Variants in STK4 observed in about 807,000 individuals in gnomAD.
STK4 encodes serine/threonine kinase 4, also known as serine/threonine-protein kinase 4.
Under a neutral mutation model 64.9 loss-of-function variants are expected in STK4, and 30 were observed. The ratio of observed to expected loss-of-function variants is 0.46; its 90% confidence interval spans 0.35 to 0.63. The LOEUF (loss-of-function observed/expected upper bound fraction) is 0.63, where lower values mean the gene tolerates loss of function less well. Among genes scored for constraint, STK4 ranks in the 20% least tolerant of loss-of-function variants. The pLI is 0.01. For synonymous variants in STK4, 177 were observed against 199.0 expected (o/e 0.89, Z 0.93); for missense variants, 466 against 598.5 (o/e 0.78, Z 2.31).
intron 9 of STK4, among the ~76,000 whole-genome samples, chr20:45,020,090 T>G (rs6017466): frequency 0.019 from 2,940 of 152,268 alleles, 91 homozygotes; most frequent in African/African-American, 0.066. Context: ...ACCTGACATT[T>G]GGCATTCAAG....
At chr20:44,988,140 A>C (rs1056622627) in intron 5 of STK4, among the ~76,000 whole-genome samples, 4 of 152,164 alleles carry the variant, frequency 2.6e-5, no homozygotes, top group Admixed American at 6.6e-5. Context: ...AAAAGTAAAC[A>C]GTACCAGACA....
chr20:44,977,694 C>T (rs2145643296), intron 2 of STK4, among the ~76,000 whole-genome samples: 2 of 152,266 alleles, frequency 1.3e-5, no homozygotes, highest in South Asian at 2.1e-4. Context: ...TCTAGTGGAT[C>T]TGTAGCCTCC....
intron 9 of STK4, among the ~76,000 whole-genome samples, chr20:45,016,311 C>T (rs2068142097): frequency 1.3e-5 from 2 of 152,180 alleles, no homozygotes; most frequent in South Asian, 4.1e-4. Context: ...TATCTTAATA[C>T]AGTGGAATTT....
At chr20:44,979,205 T>G (rs1474870770) in intron 3 of STK4, among the ~76,000 whole-genome samples, 1 of 152,172 alleles carries the variant, frequency 6.6e-6, no homozygotes, top group African/African-American at 2.4e-5. Flanking sequence ...TTTTACTTCC[T>G]ATTGAGAAAA....
intron 9 of STK4, among the ~76,000 whole-genome samples, chr20:45,021,603 A>G (rs368527985): frequency 6.6e-6 from 1 of 152,226 alleles, no homozygotes; most frequent in African/African-American, 2.4e-5. Context: ...GTTCCATAAA[A>G]TATTTCATCT....
intron 9 of STK4, among the ~76,000 whole-genome samples, chr20:45,009,612 A>G (rs2068009999): frequency 6.6e-6 from 1 of 152,164 alleles, no homozygotes; most frequent in African/African-American, 2.4e-5. Flanking sequence ...GAATCTGTAA[A>G]TTGCTTCGGA....
intron 10 of STK4, among the ~76,000 whole-genome samples, chr20:45,072,752 T>G (rs1032783895): frequency 6.6e-6 from 1 of 152,234 alleles, no homozygotes; most frequent in Non-Finnish European, 1.5e-5. Context: ...ACATGTTTGA[T>G]TCTAGCTTGA....
rs190311961 is a variant in STK4, at chr20:44,972,424, G to A, written c.116+266G>A. 1.1e-5 allele frequency: 3 copies of A among 280,056 alleles called. No individual in the cohort carries two copies. In the South Asian group the frequency reaches 3.8e-4, roughly 35 times the overall value. 17.3% of individuals were successfully genotyped at this position (280,056 alleles called of 1,614,324 possible). ...TCTACTTAACAGATAGCACTAATTAGATTAAAATTCTATAAGAAACTTTTT... is the reference window on the plus strand; with the variant it reads ...TCTACTTAACAGATAGCACTAATTAAATTAAAATTCTATAAGAAACTTTTT... On this transcript the variant is annotated intron_variant, in intron 2 of 10. Transcript: ENST00000372806.
chr20:45,058,889 T>C (rs1978735073), intron 10 of STK4, among the ~76,000 whole-genome samples: 1 of 152,220 alleles, frequency 6.6e-6, no homozygotes, highest in African/African-American at 2.4e-5. Flanking sequence ...CTCTACCTTC[T>C]GTAGACATTT....
rs192152414 is a variant in STK4, at chr20:45,079,015, T to C, written c.*3839T>C. On this transcript the variant is annotated 3_prime_UTR_variant, in exon 11 of 11. Transcript: ENST00000372806. ...ATTCAAGAAGAAATAGATACCAGCC[T>C]GAGCAACATGGCAAAATCCCATCTC... 5 of 151,742 alleles carry C rather than the reference T, an allele frequency of 3.3e-5. No individual in the cohort carries two copies. In the East Asian group the frequency reaches 9.7e-4, roughly 29 times the overall value. 9.4% of individuals were successfully genotyped at this position (151,742 alleles called of 1,614,324 possible).
At chr20:45,040,622 T>A (rs1274475414) in intron 10 of STK4, among the ~76,000 whole-genome samples, 1 of 148,236 alleles carries the variant, frequency 6.7e-6, no homozygotes, top group Non-Finnish European at 1.5e-5. Flanking sequence ...GCTCCAAACC[T>A]GGAAACAGAC....
intron 10 of STK4, chr20:45,053,176 A>C: frequency 6.2e-7 from 1 of 1,610,528 alleles, no homozygotes; most frequent in Non-Finnish European, 8.5e-7. Context: ...CTGAGAAACC[A>C]CATGGTAAAT....
intron 10 of STK4, among the ~76,000 whole-genome samples, chr20:45,027,893 A>C (rs796541606): frequency 2.0e-5 from 3 of 152,344 alleles, no homozygotes; most frequent in African/African-American, 7.2e-5. Flanking sequence ...TGTAGCTAAC[A>C]TAATGACCTC....
chr20:45,068,283 ATTGCCCTTTATATTCATG>A (rs374843552), intron 10 of STK4, among the ~76,000 whole-genome samples: 35 of 152,322 alleles, frequency 2.3e-4, no homozygotes, highest in African/African-American at 5.1e-4. Context: ...TGACAGGTGT[ATTGCCCTTTATATTCATG>A]TTGCCCAGCA....
intron 9 of STK4, among the ~76,000 whole-genome samples, chr20:45,001,699 C>A (rs1416131446): frequency 2.0e-5 from 3 of 152,180 alleles, no homozygotes. Flanking sequence ...GGTGTAATGA[C>A]ATTCTGAGTT....
intron 10 of STK4, among the ~76,000 whole-genome samples, chr20:45,057,941 A>G (rs188330851): frequency 1.3e-5 from 2 of 152,304 alleles, no homozygotes; most frequent in Admixed American, 1.3e-4. Flanking sequence ...TATTTAGGCT[A>G]TATACATACT....
At position 45,001,307 on chromosome 20, in the gene STK4, C is replaced by T. The variant is rs112013913; in HGVS notation, c.1101C>T (p.Thr367=). The T allele has an allele frequency of 1.4e-5, 23 of 1,614,050 alleles. No homozygotes were observed. The highest frequency in any genetic ancestry group is 9.3e-5 in the African/African-American group (7 of 75,024). Reference sequence around the variant, plus strand: ...ACACGTTGCCATCACAACTGGGCACCATGGTGATCAATGCAGAGGATGAGG... The same window carrying T: ...ACACGTTGCCATCACAACTGGGCACTATGGTGATCAATGCAGAGGATGAGG... ...HDDTLPSQLG[T]MVINAEDEEE... Residue 367 remains threonine, a synonymous_variant, in exon 9 of 11, where the codon ACC becomes ACT. Transcript: ENST00000372806.
At position 45,052,158 on chromosome 20, in the gene STK4, T is replaced by C. The variant is rs559502281; in HGVS notation, c.1306-22860T>C. The stretch of plus-strand genomic sequence containing the variant: ...TTCTTCTTTTTTGGTGTTGGTTTGC[T>C]CTTCTATAATGTTACAATGCTATTT... On this transcript the variant is annotated intron_variant, in intron 10 of 10. Transcript: ENST00000372806. Among the ~76,000 whole-genome samples, 4 of 152,338 alleles carry C rather than the reference T, an allele frequency of 2.6e-5. No individual in the cohort carries two copies. In the South Asian group the frequency reaches 8.3e-4, roughly 32 times the overall value.
rs185714259 is a variant in STK4, at chr20:44,990,017, G to C, written c.525+2721G>C. The stretch of plus-strand genomic sequence containing the variant: ...GTCCTTCTATTTCAAGATTGTTTTG[G>C]CTATTCTGGGTCCCTTGTATTTCCA... On this transcript the variant is annotated intron_variant, in intron 5 of 10. Transcript: ENST00000372806. Among the ~76,000 whole-genome samples, 393 of 152,178 alleles carry C rather than the reference G, an allele frequency of 2.6e-3. 2 individuals are homozygous for C. The highest frequency in any genetic ancestry group is 4.2e-3 in the Non-Finnish European group (288 of 68,008).
Sources: gnomAD v4.1 joint callset for allele counts (sites outside exome capture counted in the v4.1 genomes callset) on GRCh38, gnomAD v4.1.1 for gene constraint, MANE v1.5 for transcripts, NCBI Gene and HGNC (gene_info 2026-07-23, HGNC 2026-07-21) for gene names.